Variants in TTC17 observed in about 807,000 individuals in gnomAD.
TTC17 encodes the protein tetratricopeptide repeat domain 17.
A neutral mutation model predicts 143.8 loss-of-function variants in TTC17; 58 were observed. The observed-to-expected ratio is 0.40, with a 90% CI of 0.33 to 0.50. The LOEUF (loss-of-function observed/expected upper bound fraction) is 0.50, where lower values mean the gene tolerates loss of function less well. TTC17 is among the 20% of genes least tolerant of loss of function. The pLI, the probability that TTC17 is intolerant of heterozygous loss-of-function variation, is 0.49. For synonymous variants in TTC17, 501 were observed against 497.8 expected (o/e 1.01, Z -0.09); for missense variants, 1,273 against 1,392.5 (o/e 0.91, Z 1.37).
chr11:43,443,678 C>T (rs1947474883), intron 17 of TTC17, 94 bp downstream of exon 17: 2 of 1,466,688 alleles, frequency 1.4e-6, no homozygotes, highest in Admixed American at 2.2e-5. Flanking sequence ...GGATATGTGG[C>T]ACTACTTGGC....
chr11:43,409,312 C>T (rs72900930), intron 15 of TTC17, among the ~76,000 whole-genome samples: 13,370 of 152,076 alleles, frequency 0.088, 692 homozygotes, highest in Non-Finnish European at 0.12. Context: ...TCTGCAAAGG[C>T]CTTAAAGATT....
chr11:43,469,687 G>A (rs769687878), intron 21 of TTC17, among the ~76,000 whole-genome samples: 7 of 152,186 alleles, frequency 4.6e-5, no homozygotes, highest in East Asian at 1.9e-4. Flanking sequence ...TGATTACTTC[G>A]TGGGGGAAGG....
chr11:43,393,962 A>G (rs1191940294), intron 5 of TTC17, among the ~76,000 whole-genome samples: 1 of 152,202 alleles, frequency 6.6e-6, no homozygotes, highest in Non-Finnish European at 1.5e-5. Context: ...GTGTCCTCAC[A>G]TGGCCTCATC....
intron 1 of TTC17, among the ~76,000 whole-genome samples, chr11:43,378,189 C>T (rs1856833613): frequency 6.6e-6 from 1 of 152,164 alleles, no homozygotes; most frequent in African/African-American, 2.4e-5. Flanking sequence ...AGGCATAAGC[C>T]ACCGCGCCCA....
chr11:43,400,844 G>A (rs1389969996), intron 9 of TTC17, among the ~76,000 whole-genome samples: 4 of 152,168 alleles, frequency 2.6e-5, no homozygotes, highest in Non-Finnish European at 4.4e-5. Context: ...TGACAAGGGA[G>A]CAGATCTGAC....
At chr11:43,424,325 C>T (rs909093969) in intron 16 of TTC17, among the ~76,000 whole-genome samples, 2 of 151,732 alleles carry the variant, frequency 1.3e-5, no homozygotes, top group African/African-American at 2.4e-5. Context: ...AACTCCTGAC[C>T]TCAGGTGATC....
At chr11:43,427,505 C>T (rs1373034422) in intron 16 of TTC17, among the ~76,000 whole-genome samples, 2 of 152,184 alleles carry the variant, frequency 1.3e-5, no homozygotes, top group African/African-American at 4.8e-5. Context: ...TGACTACATA[C>T]ATCCTGCTTT....
intron 16 of TTC17, among the ~76,000 whole-genome samples, chr11:43,423,503 T>C (rs1590395908): frequency 1.3e-5 from 2 of 151,466 alleles, no homozygotes; most frequent in African/African-American, 2.4e-5. Flanking sequence ...AAGAGCAGGG[T>C]CATGAAGTTT....
chr11:43,482,985 C>T (rs1948315295), intron 21 of TTC17, among the ~76,000 whole-genome samples: 1 of 151,912 alleles, frequency 6.6e-6, no homozygotes, highest in African/African-American at 2.4e-5. Flanking sequence ...AGTACAAATT[C>T]TCAATATCAA....
intron 21 of TTC17, among the ~76,000 whole-genome samples, chr11:43,459,782 A>G (rs1397504436): frequency 6.6e-6 from 1 of 152,236 alleles, no homozygotes; most frequent in African/African-American, 2.4e-5. Context: ...CCATACAACC[A>G]TTCTATTTTT....
chr11:43,490,469 T>C, intron 22 of TTC17, 111 bp downstream of exon 22: 1 of 1,430,660 alleles, frequency 7.0e-7, no homozygotes, highest in East Asian at 2.4e-5. Flanking sequence ...TGAGGACATA[T>C]TCCAAGGAGA....
intron 18 of TTC17, chr11:43,446,659 G>T: frequency 1.0e-6 from 1 of 984,954 alleles, no homozygotes; most frequent in Non-Finnish European, 1.2e-6. Flanking sequence ...ACCCCTGCCT[G>T]TACCTCAAAC....
At position 43,406,263 on chromosome 11, in the gene TTC17, A is replaced by T. The variant is rs544546017; in HGVS notation, c.1761+312A>T. Among the ~76,000 whole-genome samples the T allele has an allele frequency of 2.6e-5, 4 of 152,292 alleles. No individual in the cohort carries two copies. The East Asian group carries it at 7.7e-4, about 29-fold the overall frequency. On this transcript the variant is annotated intron_variant, in intron 13 of 23. Transcript: ENST00000039989. ...TGGTGTAATGCAGGCCATTGCAACC[A>T]CTAAAAGTTAGCTTTGCATCCTCCA...
At chr11:43,408,678 A>G (rs151156996) in intron 15 of TTC17, among the ~76,000 whole-genome samples, 3 of 152,338 alleles carry the variant, frequency 2.0e-5, no homozygotes, top group South Asian at 4.1e-4. Context: ...GTTGTTAAAT[A>G]CCATGGTGCT....
intron 10 of TTC17, among the ~76,000 whole-genome samples, chr11:43,402,292 A>G (rs1017483548): frequency 1.3e-5 from 2 of 152,146 alleles, no homozygotes; most frequent in Admixed American, 6.5e-5. Flanking sequence ...CAACCATGCT[A>G]TTTGTTTCCT....
At chr11:43,373,659 T>C (rs750592285) in intron 1 of TTC17, among the ~76,000 whole-genome samples, 55 of 152,258 alleles carry the variant, frequency 3.6e-4, no homozygotes, top group Middle Eastern at 6.8e-3. Context: ...TGGAAAATAT[T>C]CCTGCCCAGA....
chr11:43,367,855 T>G (rs1856411017), intron 1 of TTC17, among the ~76,000 whole-genome samples: 1 of 152,142 alleles, frequency 6.6e-6, no homozygotes, highest in South Asian at 2.1e-4. Context: ...ATAACTCTTG[T>G]CAAGATACCC....
chr11:43,407,428 A>G lies in TTC17; in HGVS notation c.1915A>G (p.Ile639Val). The change falls in exon 15 of 24, where the codon ATT (isoleucine) becomes GTT (valine). Residue 639 changes from isoleucine (I) to valine (V), a missense_variant. This residue lies in a region of TTC17 where 878 missense variants were observed against 899.8 expected (regional missense o/e 0.98). Coordinates refer to ENST00000039989, the MANE Select transcript of TTC17 (RefSeq NM_018259.6). ...AGCAGTAGGAAATAGCACTTTTGCT[A>G]TTGCCTGTCTTCAGAGGGCTTTGAA... is the stretch of plus-strand genomic sequence containing the variant. ...WRAVGNSTFA[I>V]ACLQRALNLA... is the part of the protein sequence containing the mutation. 2 of 1,614,054 alleles carry G rather than the reference A, an allele frequency of 1.2e-6. No homozygotes were observed. The highest frequency in any genetic ancestry group is 8.5e-7 in the Non-Finnish European group (1 of 1,179,980).
chr11:43,405,934 G>A lies in TTC17; in HGVS notation c.1744G>A (p.Asp582Asn). 6.2e-7 allele frequency: 1 copy of A among 1,613,232 alleles called. No individual in the cohort carries two copies. The highest frequency in any genetic ancestry group is 8.5e-7 in the Non-Finnish European group (1 of 1,179,748). The change falls in exon 13 of 24, where the codon GAT (aspartate) becomes AAT (asparagine). Residue 582 changes from aspartate (D) to asparagine (N), a missense_variant. Physicochemically the swap from Asp to Asn is conservative, Grantham distance 23. Around this residue, in one of 3 missense-constraint regions of TTC17, gnomAD observed 878 missense variants for 899.8 expected, o/e 0.98. Transcript: ENST00000039989. ...VRMDLKAKMPDDHARKILLSR... is the reference protein window; with the variant it reads ...VRMDLKAKMPNDHARKILLSR... The stretch of plus-strand genomic sequence containing the variant: ...CATGGATCTGAAAGCCAAAATGCCA[G>A]ATGACCATGCACGAAAAGTAAGGCT...
Sources: gnomAD v4.1 joint callset for allele counts (sites outside exome capture counted in the v4.1 genomes callset) on GRCh38, gnomAD v4.1.1 for gene constraint, gnomAD v4.1.1 regional missense constraint, MANE v1.5 for transcripts, NCBI Gene and HGNC (gene_info 2026-07-23, HGNC 2026-07-21) for gene names.